The following GPC3 variants were observed in gnomAD, a reference collection of about 807,000 sequenced individuals.
The protein encoded by GPC3 is glypican-3.
In GPC3, 3 loss-of-function variants were observed where a neutral mutation model predicts 34.4. That is an observed-to-expected ratio of 0.09 (90% CI 0.04 to 0.23). GPC3 has a LOEUF of 0.23. Ranked by LOEUF, GPC3 falls within the 10% of genes least tolerant of loss-of-function variation. The pLI is 1.00. For synonymous variants in GPC3, 177 were observed against 174.0 expected, an observed-to-expected ratio of 1.02 and a Z score of -0.13; for missense variants, 351 against 445.6, an observed-to-expected ratio of 0.79 and a Z score of 1.91.
chrX:133,716,430 G>C (rs147915597), intron 3 of GPC3, among the ~76,000 whole-genome samples: 340 of 112,105 alleles, frequency 3.0e-3, no homozygotes, highest in African/African-American at 0.011. Context: ...AGAACTAAAA[G>C]ATGGTAGGAG....
chrX:133,836,959 A>C (rs1459260976), intron 2 of GPC3, among the ~76,000 whole-genome samples: 2 of 111,872 alleles, frequency 1.8e-5, no homozygotes, highest in Non-Finnish European at 3.8e-5. Flanking sequence ...TAATCTTTTC[A>C]AGACTGTTTA....
chrX:133,577,978 ATCT>A (rs1052577475), intron 7 of GPC3, among the ~76,000 whole-genome samples: 4 of 111,670 alleles, frequency 3.6e-5, no homozygotes, highest in East Asian at 2.8e-4. Context: ...CCCTCTGTGT[ATCT>A]TCTTCTTCTT....
intron 2 of GPC3, among the ~76,000 whole-genome samples, chrX:133,896,985 C>T (rs995967907): frequency 1.8e-4 from 19 of 104,694 alleles, no homozygotes; most frequent in Non-Finnish European, 3.5e-4. Context: ...CAGCTCACTG[C>T]AAGCTCCACC....
intron 5 of GPC3, among the ~76,000 whole-genome samples, chrX:133,664,120 C>T (rs948337358): frequency 4.5e-5 from 5 of 112,174 alleles, no homozygotes; most frequent in African/African-American, 9.7e-5. Flanking sequence ...ATCAGTGAAT[C>T]GGGTTCTACT....
chrX:133,791,797 T>TTTCCTTCC (rs199692354), intron 2 of GPC3, among the ~76,000 whole-genome samples: 1,994 of 80,113 alleles, frequency 0.025, 49 homozygotes, highest in East Asian at 0.064. Context: ...TCCTTTTTCT[T>TTTCCTTCC]TTCCTTCCTT....
At chrX:133,940,872 G>GT (rs1186669028) in intron 2 of GPC3, among the ~76,000 whole-genome samples, 1 of 112,012 alleles carries the variant, frequency 8.9e-6, no homozygotes, top group Non-Finnish European at 1.9e-5. Context: ...CTGTCTCTCT[G>GT]TTTTTTCTTT....
At chrX:133,622,818 G>A (rs1460836100) in intron 6 of GPC3, among the ~76,000 whole-genome samples, 2 of 111,079 alleles carry the variant, frequency 1.8e-5, no homozygotes, top group Admixed American at 9.6e-5. Context: ...TACAGAGAAC[G>A]CCACAAAGAC....
chrX:133,546,158 T>TTCA (rs2069384649), intron 7 of GPC3, among the ~76,000 whole-genome samples: 6 of 111,549 alleles, frequency 5.4e-5, no homozygotes, highest in Non-Finnish European at 1.1e-4. Flanking sequence ...ATATTGAAAT[T>TTCA]AGCCTGCATT....
At chrX:133,587,888 T>A (rs763359276) in intron 7 of GPC3, among the ~76,000 whole-genome samples, 1 of 111,592 alleles carries the variant, frequency 9.0e-6, no homozygotes, top group Admixed American at 9.5e-5. Flanking sequence ...TTGTCCAAGG[T>A]CACAACATTG....
chrX:133,884,801 T>C (rs1405605101), intron 2 of GPC3, among the ~76,000 whole-genome samples: 1 of 112,081 alleles, frequency 8.9e-6, no homozygotes, highest in African/African-American at 3.2e-5. Context: ...TAAAACATAC[T>C]ACCAGAAAAT....
At chrX:133,714,049 A>G (rs1247586478) in intron 3 of GPC3, among the ~76,000 whole-genome samples, 2 of 112,323 alleles carry the variant, frequency 1.8e-5, no homozygotes, top group Non-Finnish European at 3.8e-5. Context: ...TGAAAAGTCA[A>G]TTGATACGTT....
intron 3 of GPC3, among the ~76,000 whole-genome samples, chrX:133,751,620 T>A (rs1385448783): frequency 1.8e-5 from 2 of 112,068 alleles, no homozygotes; most frequent in African/African-American, 3.2e-5. Context: ...AACTAATTAC[T>A]CCTAGAGTTT....
At chrX:133,976,867 G>A (rs774293443) in intron 1 of GPC3, among the ~76,000 whole-genome samples, 56 of 109,356 alleles carry the variant, frequency 5.1e-4, no homozygotes, top group South Asian at 2.8e-3. Flanking sequence ...GCACTGAGCC[G>A]AGATTGTGCC....
At chrX:133,954,064 C>G (rs145086737) in intron 1 of GPC3, among the ~76,000 whole-genome samples, 40 of 111,704 alleles carry the variant, frequency 3.6e-4, no homozygotes, top group Non-Finnish European at 6.2e-4. Flanking sequence ...GAAGCCAGAT[C>G]AAAAAGAAGC....
intron 1 of GPC3, among the ~76,000 whole-genome samples, chrX:133,968,179 A>G (rs927573792): frequency 4.4e-5 from 5 of 112,527 alleles, no homozygotes; most frequent in Admixed American, 3.7e-4. Context: ...GTGACGTAGC[A>G]TTCCCACAGG....
At chrX:133,836,284 T>C (rs776408040) in intron 2 of GPC3, among the ~76,000 whole-genome samples, 1 of 113,242 alleles carries the variant, frequency 8.8e-6, no homozygotes, top group East Asian at 2.8e-4. Context: ...TAATTCAATA[T>C]TTTTTGTTAA....
intron 2 of GPC3, among the ~76,000 whole-genome samples, chrX:133,890,115 A>G (rs1289780368): frequency 9.0e-6 from 1 of 110,993 alleles, no homozygotes; most frequent in Non-Finnish European, 1.9e-5. Flanking sequence ...TAAAAATGGA[A>G]TCACACTTTA....
chrX:133,718,153 G>A (rs1337867250), intron 3 of GPC3, among the ~76,000 whole-genome samples: 1 of 112,045 alleles, frequency 8.9e-6, no homozygotes, highest in Non-Finnish European at 1.9e-5. Flanking sequence ...ATGGAAAACA[G>A]TATAAATATA....
intron 2 of GPC3, among the ~76,000 whole-genome samples, chrX:133,837,569 C>A (rs1706877380): frequency 9.0e-6 from 1 of 111,718 alleles, no homozygotes; most frequent in South Asian, 3.8e-4. Context: ...CAGGGTCGCA[C>A]AACCTCCTCA....
Sources: gnomAD v4.1 joint callset for allele counts (sites outside exome capture counted in the v4.1 genomes callset) on GRCh38, gnomAD v4.1.1 for gene constraint, MANE v1.5 for transcripts, NCBI Gene and HGNC (gene_info 2026-07-23, HGNC 2026-07-21) for gene names.